NAALADL2: variants seen among roughly 807,000 people sequenced by gnomAD.
NAALADL2 encodes the protein N-acetylated alpha-linked acidic dipeptidase like 2, also known as inactive N-acetylated-alpha-linked acidic dipeptidase-like protein 2.
A neutral mutation model predicts 87.2 loss-of-function variants in NAALADL2; 76 were observed. That is an observed-to-expected ratio of 0.87 (90% CI 0.72 to 1.05). The LOEUF is 1.05. NAALADL2 is among the 50% of genes least tolerant of loss of function. NAALADL2 has a pLI of 0.00. For synonymous variants in NAALADL2, 354 were observed against 331.0 expected, an observed-to-expected ratio of 1.07 and a Z score of -0.75; for missense variants, 1,089 against 945.8, an observed-to-expected ratio of 1.15 and a Z score of -1.99.
intron 4 of NAALADL2, among the ~76,000 whole-genome samples, chr3:175,285,769 G>A (rs1428071312): frequency 6.6e-6 from 1 of 151,892 alleles, no homozygotes; most frequent in Non-Finnish European, 1.5e-5. Context: ...TATTTAAAAT[G>A]CAAAGCATTA....
intron 10 of NAALADL2, among the ~76,000 whole-genome samples, chr3:175,615,070 A>T (rs1380469896): frequency 6.6e-6 from 1 of 152,186 alleles, no homozygotes; most frequent in Non-Finnish European, 1.5e-5. Context: ...AGACAGCTGA[A>T]AACACAACTT....
intron 2 of NAALADL2, among the ~76,000 whole-genome samples, chr3:175,170,431 T>C (rs2108904748): frequency 6.8e-6 from 1 of 147,002 alleles, no homozygotes; most frequent in South Asian, 2.1e-4. Flanking sequence ...GGAGTTAAAA[T>C]TTATATATAT....
intron 9 of NAALADL2, among the ~76,000 whole-genome samples, chr3:175,478,888 C>T (rs1272766963): frequency 6.6e-6 from 1 of 151,800 alleles, no homozygotes; most frequent in Non-Finnish European, 1.5e-5. Context: ...CTATTTCCCC[C>T]CTTAAACACT....
chr3:175,019,773 T>C (rs1218211974), intron 1 of NAALADL2, among the ~76,000 whole-genome samples: 4 of 152,200 alleles, frequency 2.6e-5, no homozygotes, highest in Non-Finnish European at 5.9e-5. Flanking sequence ...CAGTATATTA[T>C]GCCGTATCAA....
intron 3 of NAALADL2, among the ~76,000 whole-genome samples, chr3:174,808,487 A>G (rs775151221): frequency 3.3e-5 from 5 of 152,150 alleles, no homozygotes; most frequent in African/African-American, 1.2e-4. Context: ...TGTGAACTAG[A>G]TATAGCATTG....
intron 2 of NAALADL2, chr3:175,115,131 CTT>C (rs1724888597): frequency 6.6e-6 from 1 of 151,512 alleles, no homozygotes; most frequent in Non-Finnish European, 1.5e-5. Context: ...ACATATTAGA[CTT>C]ATATTTTCAG....
Position 175,096,870 on chromosome 3 carries a change from C to T in NAALADL2, c.124C>T (p.Gln42Ter). The stretch of plus-strand genomic sequence containing the variant: ...ACAGTACTTAGACAATGATGACCTT[C>T]AAGCCACTGCCCTTGACTTAGAGTG... ...HSQYLDNDDL[Q>*]ATALDLEWDM... is the part of the protein sequence containing the mutation. Residue 42 changes from glutamine to a stop codon, truncating the protein, a stop_gained, in exon 2 of 14, where the codon CAA (glutamine) becomes TAA (stop). Coordinates refer to ENST00000454872, the MANE Select transcript of NAALADL2 (RefSeq NM_207015.3). LOFTEE classifies it high-confidence loss of function. 1 of 1,612,784 alleles carries T rather than the reference C, an allele frequency of 6.2e-7. No homozygotes were observed. The highest frequency in any genetic ancestry group is 8.5e-7 in the Non-Finnish European group (1 of 1,179,382).
intron 3 of NAALADL2, among the ~76,000 whole-genome samples, chr3:174,854,299 G>C (rs957510380): frequency 6.6e-6 from 1 of 152,122 alleles, no homozygotes; most frequent in African/African-American, 2.4e-5. Context: ...AATATTGCAT[G>C]TTCTCACTCA....
In NAALADL2 at chr3:175,233,978, A is replaced by C. The variant is rs762326491; in HGVS notation, c.593A>C (p.Lys198Thr). The change falls in exon 3 of 14, where the codon AAG (lysine) becomes ACG (threonine). Residue 198 changes from lysine (K) to threonine (T), a missense_variant. Coordinates refer to ENST00000454872, the MANE Select transcript of NAALADL2 (RefSeq NM_207015.3). ...YKNEDDMEISKKIKTQWTSLG... is the reference protein window; with the variant it reads ...YKNEDDMEISTKIKTQWTSLG... ...AATGAAGATGACATGGAAATTTCAA[A>C]GAAGATTAAGACTCAGTGGACCTCT... is the stretch of plus-strand genomic sequence containing the variant. 1.2e-6 allele frequency: 2 copies of C among 1,604,846 alleles called. No individual in the cohort carries two copies. Among genetic ancestry groups the C allele is most frequent in the South Asian group, 2.2e-5 (2 of 90,020 alleles).
At chr3:175,434,460 A>G (rs1364417072) in intron 5 of NAALADL2, among the ~76,000 whole-genome samples, 2 of 152,024 alleles carry the variant, frequency 1.3e-5, no homozygotes, top group African/African-American at 4.8e-5. Flanking sequence ...TAGCTCATTT[A>G]TTCTAGCAAC....
chr3:175,332,193 C>T (rs1761483983), intron 5 of NAALADL2, among the ~76,000 whole-genome samples: 1 of 152,076 alleles, frequency 6.6e-6, no homozygotes, highest in Non-Finnish European at 1.5e-5. Flanking sequence ...CTATCAATGT[C>T]ATTGTTTCTA....
At chr3:175,028,644 T>C (rs577842934) in intron 1 of NAALADL2, among the ~76,000 whole-genome samples, 1 of 152,154 alleles carries the variant, frequency 6.6e-6, no homozygotes, top group Admixed American at 6.6e-5. Flanking sequence ...AATGTCAGAG[T>C]ATCTTTTAAA....
rs372288379 is a variant in NAALADL2, at chr3:175,540,356, C to T, written c.1654-35685C>T. Among the ~76,000 whole-genome samples the T allele has an allele frequency of 1.4e-3, 214 of 152,074 alleles. 8 individuals are homozygous for T. The South Asian group carries it at 0.037, about 27-fold the overall frequency. On this transcript the variant is annotated intron_variant, in intron 9 of 13. Transcript: ENST00000454872. ...CCTGAAGTGGCAGTATGTTAGAGGGCGATCAAAGAAGCCAGTAAGCCAGAG... is the reference window on the plus strand; with the variant it reads ...CCTGAAGTGGCAGTATGTTAGAGGGTGATCAAAGAAGCCAGTAAGCCAGAG...
At chr3:175,194,515 C>T (rs1738691302) in intron 2 of NAALADL2, among the ~76,000 whole-genome samples, 2 of 151,768 alleles carry the variant, frequency 1.3e-5, no homozygotes, top group South Asian at 4.1e-4. Flanking sequence ...TATATGGAAA[C>T]ATAGATATAA....
chr3:175,024,280 G>A (rs1751942334), intron 1 of NAALADL2, among the ~76,000 whole-genome samples: 1 of 152,002 alleles, frequency 6.6e-6, no homozygotes. Flanking sequence ...TGATTAATAT[G>A]CATGCCATTA....
intron 10 of NAALADL2, among the ~76,000 whole-genome samples, chr3:175,610,718 A>C (rs184418920): frequency 6.6e-6 from 1 of 152,186 alleles, no homozygotes; most frequent in East Asian, 1.9e-4. Context: ...CATTCACATG[A>C]ACATGTTTAT....
At chr3:175,658,196 T>C (rs1266531271) in intron 11 of NAALADL2, among the ~76,000 whole-genome samples, 1 of 152,122 alleles carries the variant, frequency 6.6e-6, no homozygotes, top group Non-Finnish European at 1.5e-5. Flanking sequence ...AGGATGTTTT[T>C]CACGTATGCA....
Position 174,823,313 on chromosome 3 carries a change from A to G in NAALADL2, c.-9+85567A>G, listed in dbSNP as rs565831075. Among the ~76,000 whole-genome samples the G allele has an allele frequency of 2.0e-5, 3 of 151,810 alleles. No individual in the cohort carries two copies. The East Asian group carries it at 5.8e-4, about 29-fold the overall frequency. ...TTAAAAAAAGCTTTGTTGTTTTCTC[A>G]TTGCAAGATCCTAATTAAAATGTTC... On this transcript the variant is annotated intron_variant, in intron 3 of 3. Transcript: ENST00000434257.
At chr3:175,731,825 C>A (rs1236622564) in intron 11 of NAALADL2, among the ~76,000 whole-genome samples, 1 of 152,088 alleles carries the variant, frequency 6.6e-6, no homozygotes, top group South Asian at 2.1e-4. Flanking sequence ...AGAGAAGTCG[C>A]CTTTCTCCCT....
Sources: gnomAD v4.1 joint callset for allele counts (sites outside exome capture counted in the v4.1 genomes callset) on GRCh38, gnomAD v4.1.1 for gene constraint, MANE v1.5 for transcripts, NCBI Gene and HGNC (gene_info 2026-07-23, HGNC 2026-07-21) for gene names.